Variants in GBF1 observed in about 807,000 individuals in gnomAD.
The protein encoded by GBF1 is Golgi-specific brefeldin A-resistance guanine nucleotide exchange factor 1.
A neutral mutation model predicts 210.5 loss-of-function variants in GBF1; 114 were observed. The ratio of observed to expected loss-of-function variants is 0.54; its 90% CI spans 0.47 to 0.63. The LOEUF is 0.63. Among genes scored for constraint, GBF1 ranks in the 30% least tolerant of loss-of-function variants. GBF1 has a pLI of 0.00. For synonymous variants in GBF1, 850 were observed against 889.2 expected, an observed-to-expected ratio of 0.96 and a Z score of 0.78; for missense variants, 1,851 against 2,357.7, an observed-to-expected ratio of 0.79 and a Z score of 4.45.
chr10:102,234,334 C>T, the GBF1 span, among the ~76,000 whole-genome samples: 1 of 152,122 alleles, frequency 6.6e-6, no homozygotes, highest in African/African-American at 2.4e-5. Context: ...GAGAAAGAGT[C>T]CCTGCTCTTT....
chr10:102,335,598 C>G (rs897124464), intron 3 of GBF1, among the ~76,000 whole-genome samples: 1 of 152,162 alleles, frequency 6.6e-6, no homozygotes, highest in Non-Finnish European at 1.5e-5. Context: ...TGGCTACGAG[C>G]AGAGCTTTTG....
At chr10:102,375,817 C>T (rs1389463752) in intron 30 of GBF1, among the ~76,000 whole-genome samples, 1 of 151,964 alleles carries the variant, frequency 6.6e-6, no homozygotes, top group Admixed American at 6.5e-5. Flanking sequence ...GTCCTGAGGA[C>T]TGATTTGTCC....
At chr10:102,240,251 A>G in the GBF1 span, among the ~76,000 whole-genome samples, 6,170 of 152,194 alleles carry the variant, frequency 0.041, 182 homozygotes, top group Non-Finnish European at 0.06. Flanking sequence ...TTTGTCACCT[A>G]TTCCTTCCTT....
intron 3 of GBF1, among the ~76,000 whole-genome samples, chr10:102,328,554 G>GT (rs1228798823): frequency 1.3e-5 from 2 of 152,150 alleles, no homozygotes; most frequent in African/African-American, 4.8e-5. Context: ...TGCTGCTGTA[G>GT]TAACTATTTC....
chr10:102,249,115 A>G (rs1021640808), intron 1 of GBF1, among the ~76,000 whole-genome samples: 1 of 152,238 alleles, frequency 6.6e-6, no homozygotes, highest in East Asian at 1.9e-4. Context: ...AGGCCAAAGA[A>G]AATATGTCTG....
At chr10:102,321,494 A>C (rs1216443097) in intron 3 of GBF1, among the ~76,000 whole-genome samples, 1 of 152,238 alleles carries the variant, frequency 6.6e-6, no homozygotes, top group Non-Finnish European at 1.5e-5. Flanking sequence ...TTCTTTTGCC[A>C]ATAGTATACT....
In GBF1 at chr10:102,287,344, C is replaced by CTTTT. The variant is rs763880492; in HGVS notation, c.163+27252_163+27255dup. Among the ~76,000 whole-genome samples, 359 of 69,528 alleles carry CTTTT rather than the reference C, an allele frequency of 5.2e-3. 9 individuals carry two copies. Among genetic ancestry groups the CTTTT allele is most frequent in the African/African-American group, 0.023 (340 of 14,784 alleles). 45.6% of individuals were successfully genotyped at this position (69,528 alleles called of 152,430 possible). A position where few individuals can be genotyped will look rare whatever the true frequency, so the allele number is the denominator to read the frequency against. On this transcript the variant is annotated intron_variant, in intron 3 of 39. Coordinates refer to ENST00000369983, the MANE Select transcript of GBF1 (RefSeq NM_001377137.1). ...CACACAGTTTCTTTTATTTTATTTTCTTTTTTTTTTTTTTTTTTTTTTTTT... is the reference window on the plus strand; with the variant it reads ...CACACAGTTTCTTTTATTTTATTTTCTTTTTTTTTTTTTTTTTTTTTTTTTTTTT...
chr10:102,268,841 A>G (rs751865260), intron 3 of GBF1, among the ~76,000 whole-genome samples: 51 of 152,274 alleles, frequency 3.3e-4, no homozygotes, highest in Non-Finnish European at 6.6e-4. Flanking sequence ...GGGTGAGTAC[A>G]TTTGTCTTTT....
intron 3 of GBF1, among the ~76,000 whole-genome samples, chr10:102,268,383 C>A (rs996804780): frequency 1.3e-5 from 2 of 152,210 alleles, no homozygotes; most frequent in African/African-American, 2.4e-5. Context: ...TAGTTTAGCT[C>A]TCAAAAACAG....
chr10:102,358,268 C>A, intron 9 of GBF1, 82 bp downstream of exon 9: 1 of 1,259,346 alleles, frequency 7.9e-7, no homozygotes, highest in Non-Finnish European at 1.1e-6. Flanking sequence ...TGAAGACCAA[C>A]CAACTGAGGG....
intron 3 of GBF1, among the ~76,000 whole-genome samples, chr10:102,322,143 A>G (rs1367232958): frequency 1.3e-5 from 2 of 152,236 alleles, no homozygotes; most frequent in African/African-American, 4.8e-5. Flanking sequence ...TACAGGCGCA[A>G]GCCAAGCCAC....
At chr10:102,293,259 A>C (rs2076588362) in intron 3 of GBF1, among the ~76,000 whole-genome samples, 1 of 152,188 alleles carries the variant, frequency 6.6e-6, no homozygotes, top group Non-Finnish European at 1.5e-5. Flanking sequence ...TGTTGTAGCC[A>C]TCATAATGTC....
rs774611702 is a variant in GBF1, at chr10:102,380,558, C to T, written c.5045C>T (p.Ala1682Val). ...AACATGCTTCTGGTGATGGACACAG[C>T]GGAGATTTTCCACAGTGCAGATGCA... ...LKNMLLVMDT[A>V]EIFHSADARG... Residue 1682 changes from alanine to valine, a missense_variant, in exon 38 of 40, where the codon GCG becomes GTG. By Grantham distance (64) the Ala-to-Val change is moderately conservative (BLOSUM62 0). Around this residue, in one of 3 missense-constraint regions of GBF1, gnomAD observed 967 missense variants for 1,247.7 expected, o/e 0.78. Coordinates refer to ENST00000369983, the MANE Select transcript of GBF1 (RefSeq NM_001377137.1). 5.6e-6 allele frequency: 9 copies of T among 1,613,964 alleles called. No individual in the cohort carries two copies. Among genetic ancestry groups the T allele is most frequent in the East Asian group, 4.5e-5 (2 of 44,876 alleles).
upstream of GBF1, among the ~76,000 whole-genome samples, chr10:102,243,884 C>A (rs1226917306): frequency 1.3e-5 from 2 of 152,144 alleles, no homozygotes; most frequent in South Asian, 2.1e-4. Context: ...AATCTCAACA[C>A]TTTGGGAGGC....
chr10:102,344,646 A>G (rs1221686253), intron 4 of GBF1, among the ~76,000 whole-genome samples: 2 of 151,706 alleles, frequency 1.3e-5, no homozygotes, highest in African/African-American at 4.8e-5. Context: ...ACGCCCAGCT[A>G]ATTTTTTGTA....
At position 102,370,463 on chromosome 10, in the gene GBF1, T is replaced by A. The variant is rs749153628; in HGVS notation, c.3491T>A (p.Ile1164Asn). 1.2e-6 allele frequency: 2 copies of A among 1,611,522 alleles called. No homozygotes were observed. Among genetic ancestry groups the A allele is most frequent in the Admixed American group, 3.3e-5 (2 of 60,002 alleles). The stretch of plus-strand genomic sequence containing the variant: ...TTCTGCCTAGAGATGCTGCTAAGGA[T>A]TGTGTTGGAGAACAGGTAAGATGAG... Reference protein sequence around the residue: ...AAFCLEMLLRIVLENRDRVGC... With the variant: ...AAFCLEMLLRNVLENRDRVGC... The change falls in exon 28 of 40, where the codon ATT (isoleucine) becomes AAT (asparagine). Residue 1164 changes from isoleucine (I) to asparagine (N), a missense_variant. Physicochemically the swap from Ile to Asn is moderately radical, Grantham distance 149. Coordinates refer to ENST00000369983, the MANE Select transcript of GBF1 (RefSeq NM_001377137.1).
intron 3 of GBF1, among the ~76,000 whole-genome samples, chr10:102,284,084 A>G (rs1037781978): frequency 7.4e-6 from 1 of 134,546 alleles, no homozygotes; most frequent in African/African-American, 3.1e-5. Context: ...CCTTTGCACT[A>G]TGGACTGAGG....
At chr10:102,368,497 G>C in intron 22 of GBF1, 43 bp downstream of exon 22, 2 of 1,079,242 alleles carry the variant, frequency 1.9e-6, no homozygotes, top group Non-Finnish European at 2.9e-6. Context: ...CACTAGCTCT[G>C]TGAGCTAACA....
rs549030415 is a variant in GBF1 at position 102,322,069 on chromosome 10, A to C, written c.164-21982A>C. ...GAGACAGGGTTTCACCATGTTGGCCAAGCTGGTCTTGAACTCCTGGGCTTA... is the reference window on the plus strand; with the variant it reads ...GAGACAGGGTTTCACCATGTTGGCCCAGCTGGTCTTGAACTCCTGGGCTTA... On this transcript the variant is annotated intron_variant, in intron 3 of 39. Coordinates refer to ENST00000369983, the MANE Select transcript of GBF1 (RefSeq NM_001377137.1). Among the ~76,000 whole-genome samples the C allele has an allele frequency of 7.9e-5, 12 of 152,336 alleles. No individual in the cohort carries two copies. In the East Asian group the frequency reaches 2.3e-3, roughly 29 times the overall value.
Sources: allele counts gnomAD v4.1 joint callset (sites outside exome capture counted in the v4.1 genomes callset), GRCh38; gene constraint gnomAD v4.1.1; regional missense constraint gnomAD v4.1.1; transcripts MANE v1.5; gene names NCBI Gene and HGNC (gene_info 2026-07-23, HGNC 2026-07-21).